Variants in OLA1 observed in about 807,000 individuals in gnomAD.
The protein encoded by OLA1 is Obg like ATPase 1.
Under a neutral mutation model 48.4 loss-of-function variants are expected in OLA1, and 14 were observed. The observed-to-expected ratio is 0.29, with a 90% CI of 0.19 to 0.45. The LOEUF is 0.45. Ranked by LOEUF, OLA1 falls within the 20% of genes least tolerant of loss-of-function variation. The probability of loss-of-function intolerance (pLI) is 1.00; values close to 1 mark genes in which losing one functional copy is unlikely to be tolerated. For missense variants in OLA1, 325 were observed against 467.1 expected, an observed-to-expected ratio of 0.70 and a Z score of 2.80; for synonymous variants, 127 against 150.4, an observed-to-expected ratio of 0.84 and a Z score of 1.14.
At chr2:174,097,111 G>T (rs538255164) in intron 7 of OLA1, among the ~76,000 whole-genome samples, 1 of 152,058 alleles carries the variant, frequency 6.6e-6, no homozygotes, top group Non-Finnish European at 1.5e-5. Flanking sequence ...AGCCGAGATC[G>T]CACCACTACA....
chr2:174,174,743 G>T (rs1431535224), intron 4 of OLA1, among the ~76,000 whole-genome samples: 1 of 151,864 alleles, frequency 6.6e-6, no homozygotes, highest in Non-Finnish European at 1.5e-5. Flanking sequence ...AAAAATCAAT[G>T]AAATTCCAGC....
intron 4 of OLA1, among the ~76,000 whole-genome samples, chr2:174,150,442 T>G (rs2105387821): frequency 6.6e-6 from 1 of 152,360 alleles, no homozygotes; most frequent in South Asian, 2.1e-4. Context: ...TTACTCAGTC[T>G]CAGGTATTCA....
At chr2:174,190,132 T>C (rs140981713) in intron 4 of OLA1, among the ~76,000 whole-genome samples, 41 of 152,276 alleles carry the variant, frequency 2.7e-4, no homozygotes, top group African/African-American at 8.7e-4. Flanking sequence ...TTTATATTTG[T>C]ATAAAGAAAT....
intron 5 of OLA1, among the ~76,000 whole-genome samples, chr2:174,134,473 T>C (rs1686255218): frequency 6.6e-6 from 1 of 152,172 alleles, no homozygotes; most frequent in East Asian, 1.9e-4. Context: ...AAATATAATC[T>C]TTGTCTTTTA....
intron 7 of OLA1, among the ~76,000 whole-genome samples, chr2:174,115,860 T>C (rs1685769291): frequency 6.6e-6 from 1 of 152,184 alleles, no homozygotes; most frequent in African/African-American, 2.4e-5. Flanking sequence ...AATCATTCCC[T>C]GCATTATATT....
At chr2:174,119,986 G>A (rs1001041354) in intron 7 of OLA1, among the ~76,000 whole-genome samples, 4 of 151,252 alleles carry the variant, frequency 2.6e-5, no homozygotes, top group African/African-American at 9.7e-5. Flanking sequence ...CACAGTCTGC[G>A]TATCTAAAAG....
At chr2:174,147,395 C>T (rs901145172) in intron 4 of OLA1, among the ~76,000 whole-genome samples, 3 of 151,896 alleles carry the variant, frequency 2.0e-5, no homozygotes, top group African/African-American at 7.3e-5. Flanking sequence ...CCACTGCACT[C>T]CAGCCTGGGC....
Position 174,099,034 on chromosome 2 carries a change from A to G in OLA1, c.729-16970T>C, listed in dbSNP as rs191496023. On this transcript the variant is annotated intron_variant, in intron 7 of 10. Coordinates refer to ENST00000284719, the MANE Select transcript of OLA1 (RefSeq NM_013341.5). The stretch of plus-strand genomic sequence containing the variant: ...TGCTATTCATTAAAAATCACTGCTG[A>G]GTGATCACCCTGCAGTTTCTAAGAA... Among the ~76,000 whole-genome samples, 299 of 152,322 alleles carry G rather than the reference A, an allele frequency of 2.0e-3. 1 individual carries two copies. Among genetic ancestry groups the G allele is most frequent in the African/African-American group, 6.9e-3 (285 of 41,578 alleles).
At chr2:174,110,202 T>C (rs1421299324) in intron 7 of OLA1, among the ~76,000 whole-genome samples, 1 of 150,840 alleles carries the variant, frequency 6.6e-6, no homozygotes, top group African/African-American at 2.4e-5. Context: ...TTGGGTTCGA[T>C]CTCCGCTCAC....
intron 7 of OLA1, among the ~76,000 whole-genome samples, chr2:174,107,586 T>C (rs1197900778): frequency 6.6e-6 from 1 of 152,100 alleles, no homozygotes; most frequent in Non-Finnish European, 1.5e-5. Context: ...AAATTAATAG[T>C]ATAAATTTTA....
chr2:174,118,954 T>C lies in OLA1; in HGVS notation c.728+4226A>G, dbSNP rs1171822271. Reference sequence around the variant, plus strand: ...CTTTCATAAGAAACCAGAAGTGCACTACTGTATTGTTATCTCTCGATAAGA... The same window carrying C: ...CTTTCATAAGAAACCAGAAGTGCACCACTGTATTGTTATCTCTCGATAAGA... On this transcript the variant is annotated intron_variant, in intron 7 of 10. Coordinates refer to ENST00000284719, the MANE Select transcript of OLA1 (RefSeq NM_013341.5). Among the ~76,000 whole-genome samples, 3 of 152,162 alleles carry C rather than the reference T, an allele frequency of 2.0e-5. No individual in the cohort carries two copies. The East Asian group carries it at 5.8e-4, about 29-fold the overall frequency.
chr2:174,095,831 T>A (rs1334615154), intron 7 of OLA1, among the ~76,000 whole-genome samples: 1 of 152,006 alleles, frequency 6.6e-6, no homozygotes, highest in East Asian at 1.9e-4. Context: ...AACTCAACGA[T>A]AAAAAGACAG....
intron 7 of OLA1, among the ~76,000 whole-genome samples, chr2:174,121,351 G>C (rs189670661): frequency 2.0e-5 from 3 of 152,050 alleles, no homozygotes; most frequent in Non-Finnish European, 4.4e-5. Flanking sequence ...GGATGCACAG[G>C]GGGTAGTCAA....
At chr2:174,221,910 A>G (rs976458473) in intron 4 of OLA1, among the ~76,000 whole-genome samples, 5 of 152,096 alleles carry the variant, frequency 3.3e-5, no homozygotes, top group Admixed American at 3.3e-4. Context: ...TTCTCTACAA[A>G]ACTGGATCAC....
intron 4 of OLA1, among the ~76,000 whole-genome samples, chr2:174,193,744 A>G (rs553705471): frequency 6.6e-6 from 1 of 152,200 alleles, no homozygotes; most frequent in South Asian, 2.1e-4. Context: ...TCTTTCTTTT[A>G]CACCAGGAAT....
intron 3 of OLA1, among the ~76,000 whole-genome samples, chr2:174,224,159 T>C (rs1688565508): frequency 6.6e-6 from 1 of 152,210 alleles, no homozygotes; most frequent in African/African-American, 2.4e-5. Context: ...AAAACAATTA[T>C]TCTATGAAGT....
intron 4 of OLA1, among the ~76,000 whole-genome samples, chr2:174,185,438 G>A (rs1574535960): frequency 6.6e-6 from 1 of 152,146 alleles, no homozygotes; most frequent in African/African-American, 2.4e-5. Context: ...GGCAAAAGAA[G>A]AAATCATCTA....
intron 1 of OLA1, 104 bp downstream of exon 1, chr2:174,248,348 C>T (rs1205064495): frequency 6.5e-6 from 1 of 153,928 alleles, no homozygotes; most frequent in East Asian, 1.9e-4. Flanking sequence ...GCCCTGGCCC[C>T]ATCTTGGCCA....
At chr2:174,154,868 C>T (rs1164779370) in intron 4 of OLA1, among the ~76,000 whole-genome samples, 1 of 152,202 alleles carries the variant, frequency 6.6e-6, no homozygotes, top group South Asian at 2.1e-4. Context: ...TTGGCACCCA[C>T]AATATCCATT....
Sources: gnomAD v4.1 joint callset for allele counts (sites outside exome capture counted in the v4.1 genomes callset) on GRCh38, gnomAD v4.1.1 for gene constraint, MANE v1.5 for transcripts, NCBI Gene and HGNC (gene_info 2026-07-23, HGNC 2026-07-21) for gene names.